HEPHL1: variants seen among roughly 807,000 people sequenced by gnomAD.
HEPHL1 encodes ferroxidase HEPHL1.
A neutral mutation model predicts 122.0 loss-of-function variants in HEPHL1; 123 were observed. The ratio of observed to expected loss-of-function variants is 1.01; its 90% CI spans 0.87 to 1.17. HEPHL1 has a LOEUF of 1.17. HEPHL1 is among the 50% of genes most tolerant of loss of function. HEPHL1 has a pLI of 0.00. For synonymous variants in HEPHL1, 527 were observed against 508.9 expected, an observed-to-expected ratio of 1.04 and a Z score of -0.48; for missense variants, 1,452 against 1,430.5, an observed-to-expected ratio of 1.01 and a Z score of -0.24.
chr11:94,065,137 G>A (rs1468226029), intron 4 of HEPHL1, among the ~76,000 whole-genome samples: 2 of 152,188 alleles, frequency 1.3e-5, no homozygotes, highest in Non-Finnish European at 2.9e-5. Flanking sequence ...CAAAGCAGTA[G>A]CTTAATGTAG....
rs749166665 is a variant in HEPHL1, at chr11:94,073,092, A to G, written c.1300A>G (p.Thr434Ala). The change falls in exon 7 of 20, where the codon ACT (threonine) becomes GCT (alanine). Residue 434 changes from threonine (T) to alanine (A), a missense_variant. Coordinates refer to ENST00000315765, the MANE Select transcript of HEPHL1 (RefSeq NM_001098672.2). ...AGGAAAATACTGGAAGGTTCGGTAT[A>G]CTGAATTTGTTGATGCAACTTTTAC... is the stretch of plus-strand genomic sequence containing the variant. Reference protein sequence around the residue: ...IGGKYWKVRYTEFVDATFTKR... With the variant: ...IGGKYWKVRYAEFVDATFTKR... 1 of 1,613,062 alleles carries G rather than the reference A, an allele frequency of 6.2e-7. No individual in the cohort carries two copies. Among genetic ancestry groups the G allele is most frequent in the South Asian group, 1.1e-5 (1 of 91,044 alleles).
chr11:94,093,374 C>T (rs1946277814), intron 12 of HEPHL1, 127 bp from the exon 13 acceptor site: 3 of 1,034,180 alleles, frequency 2.9e-6, no homozygotes, highest in Non-Finnish European at 4.4e-6. Context: ...AGGCCTGCTC[C>T]CCAGGGAGCA....
At position 94,088,860 on chromosome 11, in the gene HEPHL1, A is replaced by G; in HGVS notation, c.2186A>G (p.Tyr729Cys). 6.2e-7 allele frequency: 1 copy of G among 1,614,004 alleles called. No individual in the cohort carries two copies. Among genetic ancestry groups the G allele is most frequent in the Non-Finnish European group, 8.5e-7 (1 of 1,179,874 alleles). ...CDNRDPSEQRYGMIRTFYIAA... is the reference protein window; with the variant it reads ...CDNRDPSEQRCGMIRTFYIAA... The stretch of plus-strand genomic sequence containing the variant: ...AACAGGGACCCTTCTGAGCAGCGGT[A>G]CGGGATGATAAGAACTTTTTACATC... Residue 729 changes from tyrosine to cysteine, a missense_variant, in exon 12 of 20, where the codon TAC (tyrosine) becomes TGC (cysteine). Transcript: ENST00000315765.
chr11:94,023,387 A>G (rs1208605333), intron 1 of HEPHL1, among the ~76,000 whole-genome samples: 1 of 152,224 alleles, frequency 6.6e-6, no homozygotes, highest in Middle Eastern at 3.2e-3. Flanking sequence ...GTGGTCAGTG[A>G]CCAAACAAGT....
intron 11 of HEPHL1, among the ~76,000 whole-genome samples, chr11:94,086,788 A>G (rs1361064668): frequency 6.6e-6 from 1 of 152,242 alleles, no homozygotes; most frequent in African/African-American, 2.4e-5. Context: ...TTCCAAGCTA[A>G]TGAGATAATT....
At position 94,103,004 on chromosome 11, in the gene HEPHL1, C is replaced by T. The variant is rs1946380365; in HGVS notation, c.2666C>T (p.Thr889Ile). The change falls in exon 15 of 20, where the codon ACA becomes ATA. Residue 889 changes from threonine (T) to isoleucine (I), a missense_variant. Transcript: ENST00000315765. The part of the protein sequence containing the change: ...PNCIPWVYYS[T>I]VNFVKDTYSG... Reference sequence around the variant, plus strand: ...TGTATTCCATGGGTTTACTATTCAACAGTAAACTTTGTGAAGGTAAGGTGG... The same window carrying T: ...TGTATTCCATGGGTTTACTATTCAATAGTAAACTTTGTGAAGGTAAGGTGG... 5 of 1,594,038 alleles carry T rather than the reference C, an allele frequency of 3.1e-6. No homozygotes were observed. Among genetic ancestry groups the T allele is most frequent in the Non-Finnish European group, 3.4e-6 (4 of 1,161,906 alleles).
chr11:94,064,723 A>C (rs762777257), intron 4 of HEPHL1, among the ~76,000 whole-genome samples: 4 of 152,214 alleles, frequency 2.6e-5, no homozygotes, highest in Non-Finnish European at 4.4e-5. Context: ...TAAATTGGGC[A>C]TGCAGTGTGG....
chr11:94,027,649 C>T (rs1053102408), intron 1 of HEPHL1, among the ~76,000 whole-genome samples: 7 of 152,194 alleles, frequency 4.6e-5, no homozygotes, highest in African/African-American at 1.7e-4. Context: ...GAAACTGGTT[C>T]AGAGAGGTTA....
chr11:94,070,197 T>C (rs1946062632), intron 5 of HEPHL1, among the ~76,000 whole-genome samples, 177 bp from the exon 6 acceptor site: 1 of 152,194 alleles, frequency 6.6e-6, no homozygotes, highest in Non-Finnish European at 1.5e-5. Context: ...TCTTTTGTCA[T>C]ATGTGTCACA....
At chr11:94,033,044 C>G (rs1452912346) in intron 1 of HEPHL1, among the ~76,000 whole-genome samples, 2 of 152,114 alleles carry the variant, frequency 1.3e-5, no homozygotes, top group South Asian at 2.1e-4. Context: ...ACACAAGAGC[C>G]CAGAAGTATG....
At chr11:94,066,947 T>TAAAC (rs756030037) in intron 4 of HEPHL1, among the ~76,000 whole-genome samples, 1 of 152,158 alleles carries the variant, frequency 6.6e-6, no homozygotes, top group Non-Finnish European at 1.5e-5. Flanking sequence ...CTTTTTAAAG[T>TAAAC]AAACAAACAA....
At chr11:94,029,506 C>T (rs1945654931) in intron 1 of HEPHL1, among the ~76,000 whole-genome samples, 1 of 152,216 alleles carries the variant, frequency 6.6e-6, no homozygotes, top group Admixed American at 6.5e-5. Flanking sequence ...CTACAGGAAT[C>T]ATTTGGTGAT....
chr11:94,026,059 T>C (rs1945622144), intron 1 of HEPHL1, among the ~76,000 whole-genome samples: 1 of 152,182 alleles, frequency 6.6e-6, no homozygotes, highest in South Asian at 2.1e-4. Flanking sequence ...ATAGATGGTA[T>C]AACAAGATAT....
chr11:94,059,762 G>T (rs1945968993), intron 2 of HEPHL1, among the ~76,000 whole-genome samples: 1 of 151,892 alleles, frequency 6.6e-6, no homozygotes, highest in Non-Finnish European at 1.5e-5. Context: ...GTGGCACAAA[G>T]GCTCTGTTAG....
rs1392053459 is a variant in HEPHL1 at position 94,073,023 on chromosome 11, AGT to A, written c.1233_1234del (p.Ser411ArgfsTer3). ...CTCAATCACATTCCTATGTCTTTTC[AGT>A]GACTCTGATCTCTACTTCACACAAG... is the stretch of plus-strand genomic sequence containing the variant. On this transcript the variant is annotated splice_acceptor_variant and coding_sequence_variant, in exon 7 of 20. Transcript: ENST00000315765. LOFTEE classifies it high-confidence loss of function. 8 of 1,611,548 alleles carry A rather than the reference AGT, an allele frequency of 5.0e-6. No individual in the cohort carries two copies. Among genetic ancestry groups the A allele is most frequent in the African/African-American group, 1.3e-5 (1 of 74,800 alleles).
Position 94,104,592 on chromosome 11 carries a change from G to A in HEPHL1, c.2747G>A (p.Gly916Glu), listed in dbSNP as rs1390648467. ...TCRKGVLNEK[G>E]RRSDVDYEFA... is the part of the protein sequence containing the mutation. ...CGAAAAGGAGTCTTGAATGAAAAGGGAAGAAGAAGTGACGTTGATTATGAA... is the reference window on the plus strand; with the variant it reads ...CGAAAAGGAGTCTTGAATGAAAAGGAAAGAAGAAGTGACGTTGATTATGAA... Residue 916 changes from glycine to glutamate, a missense_variant, in exon 16 of 20, where the codon GGA becomes GAA. By Grantham distance (98) the Gly-to-Glu change is moderately conservative. Coordinates refer to ENST00000315765, the MANE Select transcript of HEPHL1 (RefSeq NM_001098672.2). 6.2e-7 allele frequency: 1 copy of A among 1,613,742 alleles called. No individual in the cohort carries two copies. Among genetic ancestry groups the A allele is most frequent in the African/African-American group, 1.3e-5 (1 of 75,032 alleles).
intron 13 of HEPHL1, among the ~76,000 whole-genome samples, chr11:94,096,268 T>C (rs749741702): frequency 6.6e-6 from 1 of 152,202 alleles, no homozygotes; most frequent in Non-Finnish European, 1.5e-5. Context: ...TCTGCAGCTA[T>C]TGAGATAATC....
chr11:94,098,364 G>A (rs1946336900), intron 13 of HEPHL1, among the ~76,000 whole-genome samples: 2 of 152,328 alleles, frequency 1.3e-5, no homozygotes, highest in Middle Eastern at 3.4e-3. Flanking sequence ...GGCTTGTAGA[G>A]TTTCTGCTGA....
chr11:94,044,584 C>T (rs889461378), intron 1 of HEPHL1, among the ~76,000 whole-genome samples: 2 of 152,130 alleles, frequency 1.3e-5, no homozygotes, highest in Non-Finnish European at 2.9e-5. Context: ...CTTCCTAGAC[C>T]TGTGCACCAG....
Sources: allele counts gnomAD v4.1 joint callset (sites outside exome capture counted in the v4.1 genomes callset), GRCh38; gene constraint gnomAD v4.1.1; transcripts MANE v1.5; gene names NCBI Gene and HGNC (gene_info 2026-07-23, HGNC 2026-07-21).